The following STOX1 variants were observed in gnomAD, a reference collection of about 807,000 sequenced individuals.
The protein encoded by STOX1 is storkhead box 1.
In STOX1, 57 loss-of-function variants were observed where a neutral mutation model predicts 74.8. The observed-to-expected ratio is 0.76, with a 90% CI of 0.62 to 0.95. The LOEUF is 0.95. Ranked by LOEUF, STOX1 falls within the 40% of genes least tolerant of loss-of-function variation. The probability of loss-of-function intolerance (pLI) is 0.00; values close to 1 mark genes in which losing one functional copy is unlikely to be tolerated. For missense variants in STOX1, 1,010 were observed against 1,117.0 expected, an observed-to-expected ratio of 0.90 and a Z score of 1.37; for synonymous variants, 375 against 401.3, an observed-to-expected ratio of 0.93 and a Z score of 0.78.
chr10:68,842,168 T>C (rs1839707027), intron 1 of STOX1, among the ~76,000 whole-genome samples: 2 of 152,172 alleles, frequency 1.3e-5, no homozygotes, highest in Non-Finnish European at 1.5e-5. Flanking sequence ...AGAAATGCCC[T>C]ATTTGAAGAT....
chr10:68,839,887 A>G (rs965154315), intron 1 of STOX1, among the ~76,000 whole-genome samples: 2 of 152,176 alleles, frequency 1.3e-5, no homozygotes, highest in African/African-American at 4.8e-5. Flanking sequence ...ACAAAACAAA[A>G]CAAAACAAAA....
intron 1 of STOX1, among the ~76,000 whole-genome samples, chr10:68,842,643 C>T (rs1307561761): frequency 5.4e-5 from 8 of 149,114 alleles, no homozygotes; most frequent in Non-Finnish European, 1.2e-4. Flanking sequence ...CGGGTTCAAG[C>T]AGTTCTCTGC....
At chr10:68,881,886 C>G in intron 1 of STOX1, 72 bp from the exon 2 acceptor site, 1 of 1,576,126 alleles carries the variant, frequency 6.3e-7, no homozygotes, top group Non-Finnish European at 8.7e-7. Flanking sequence ...TTTTGTTTCA[C>G]TAATTCCAAA....
chr10:68,850,347 T>C (rs552565605), intron 1 of STOX1, among the ~76,000 whole-genome samples: 2 of 152,306 alleles, frequency 1.3e-5, no homozygotes, highest in East Asian at 3.9e-4. Flanking sequence ...TCTCTAGCCC[T>C]GCAGTTGGCC....
intron 3 of STOX1, among the ~76,000 whole-genome samples, chr10:68,889,815 A>T (rs1321951431): frequency 6.6e-6 from 1 of 151,230 alleles, no homozygotes; most frequent in African/African-American, 2.4e-5. Context: ...CACTCGTCTC[A>T]GCCTCCAAAG....
At chr10:68,839,745 C>T (rs1839647812) in intron 1 of STOX1, among the ~76,000 whole-genome samples, 1 of 152,082 alleles carries the variant, frequency 6.6e-6, no homozygotes, top group Non-Finnish European at 1.5e-5. Context: ...CAAAAATTAG[C>T]CAGGCGTGGT....
At chr10:68,888,778 G>A (rs1841028327) in intron 3 of STOX1, among the ~76,000 whole-genome samples, 1 of 136,156 alleles carries the variant, frequency 7.3e-6, no homozygotes, top group East Asian at 2.2e-4. Flanking sequence ...TGGGACTACA[G>A]GCATATGTCA....
chr10:68,845,739 T>C (rs1839826493), intron 1 of STOX1, among the ~76,000 whole-genome samples: 1 of 151,008 alleles, frequency 6.6e-6, no homozygotes, highest in African/African-American at 2.4e-5. Flanking sequence ...GTATCTGGGA[T>C]TATAGGCGCA....
chr10:68,827,622 G>A lies in STOX1; in HGVS notation c.-2G>A. 8.7e-7 allele frequency: 1 copy of A among 1,150,194 alleles called. No homozygotes were observed. The highest frequency in any genetic ancestry group is 1.1e-6 in the Non-Finnish European group (1 of 935,312). 71.2% of individuals were successfully genotyped at this position (1,150,194 alleles called of 1,614,324 possible). A position where few individuals can be genotyped will look rare whatever the true frequency, so the allele number is the denominator to read the frequency against. On this transcript the variant is annotated 5_prime_UTR_variant, in exon 1 of 4. Coordinates refer to ENST00000298596, the MANE Select transcript of STOX1 (RefSeq NM_152709.5). ...TGCGGGCTCCCGGCCGCCGGCGAAA[G>A]CATGGCCCGGCCCGTGCAGCTGGCG...
chr10:68,846,122 A>G (rs200447276), intron 1 of STOX1, among the ~76,000 whole-genome samples: 1 of 44,848 alleles, frequency 2.2e-5, no homozygotes, highest in South Asian at 1.2e-3. Flanking sequence ...TGAGGTTTTT[A>G]TTATTATTAT....
intron 1 of STOX1, among the ~76,000 whole-genome samples, chr10:68,844,294 C>A (rs199963466): frequency 9.6e-6 from 1 of 104,706 alleles, no homozygotes; most frequent in East Asian, 2.9e-4. Flanking sequence ...TCTGGATCTT[C>A]TTTTTTTTTT....
chr10:68,830,430 C>T (rs1302073287), intron 1 of STOX1, among the ~76,000 whole-genome samples: 1 of 152,160 alleles, frequency 6.6e-6, no homozygotes, highest in Non-Finnish European at 1.5e-5. Flanking sequence ...GCAACCTCCA[C>T]CTCCTGGGTT....
chr10:68,840,830 G>A (rs531393888), intron 1 of STOX1, among the ~76,000 whole-genome samples: 1 of 152,288 alleles, frequency 6.6e-6, no homozygotes, highest in East Asian at 1.9e-4. Flanking sequence ...CAAAGTGCTG[G>A]GATTATAGGC....
intron 1 of STOX1, among the ~76,000 whole-genome samples, chr10:68,847,802 A>G (rs1163172): frequency 0.12 from 18,580 of 151,370 alleles, 1,592 homozygotes; most frequent in African/African-American, 0.24. Context: ...GCATGATCTC[A>G]ACTACCGAAA....
chr10:68,887,149 A>T (rs1276631030), intron 3 of STOX1, among the ~76,000 whole-genome samples: 1 of 152,206 alleles, frequency 6.6e-6, no homozygotes, highest in South Asian at 2.1e-4. Flanking sequence ...GACTGTCCCC[A>T]CTACTCATAA....
At chr10:68,842,713 G>C (rs1470507126) in intron 1 of STOX1, among the ~76,000 whole-genome samples, 1 of 143,818 alleles carries the variant, frequency 7.0e-6, no homozygotes, top group Non-Finnish European at 1.5e-5. Flanking sequence ...CTCATTTTTT[G>C]TATTTTTAGT....
chr10:68,894,485 CA>C (rs1459291601), downstream of STOX1, among the ~76,000 whole-genome samples: 2 of 152,174 alleles, frequency 1.3e-5, no homozygotes, highest in Non-Finnish European at 2.9e-5. Flanking sequence ...TTGCAGTGGT[CA>C]GCTCACTCAC....
chr10:68,852,064 G>GT (rs1306428415), intron 1 of STOX1, among the ~76,000 whole-genome samples: 1 of 152,010 alleles, frequency 6.6e-6, no homozygotes, highest in African/African-American at 2.4e-5. Context: ...AACCTGGGAT[G>GT]TGGAGGTTGC....
chr10:68,842,506 G>A (rs985249937), intron 1 of STOX1, among the ~76,000 whole-genome samples: 4 of 150,852 alleles, frequency 2.7e-5, no homozygotes, highest in Non-Finnish European at 4.4e-5. Context: ...TTGTTGATGC[G>A]AGGTGCCTCT....
Sources: gnomAD v4.1 joint callset for allele counts (sites outside exome capture counted in the v4.1 genomes callset) on GRCh38, gnomAD v4.1.1 for gene constraint, MANE v1.5 for transcripts, NCBI Gene and HGNC (gene_info 2026-07-23, HGNC 2026-07-21) for gene names.